SERHL2: variants seen among roughly 807,000 people sequenced by gnomAD.
The protein encoded by SERHL2 is serine hydrolase like 2, also known as serine hydrolase-like protein 2.
In SERHL2, 29 loss-of-function variants were observed where a neutral mutation model predicts 25.5. The observed-to-expected ratio is 1.14, with a 90% CI of 0.85 to 1.55. SERHL2 has a LOEUF of 1.55. Among genes scored for constraint, SERHL2 ranks in the 40% most tolerant of loss-of-function variants. SERHL2 has a pLI of 0.00. For synonymous variants in SERHL2, 95 were observed against 103.5 expected (o/e 0.92, Z 0.50); for missense variants, 240 against 252.3 (o/e 0.95, Z 0.33).
chr22:42,574,335 T>C lies in SERHL2; in HGVS notation c.*280T>C. The C allele has an allele frequency of 1.9e-6, 1 of 523,626 alleles. No homozygotes were observed. The highest frequency in any genetic ancestry group is 2.3e-5 in the South Asian group (1 of 42,856). The allele number at this position is 523,626 out of a possible 1,614,324, so 32.4% of individuals were successfully genotyped here. A position where few individuals can be genotyped will look rare whatever the true frequency, so the allele number is the denominator to read the frequency against. ...AGGGCAGGCTGGGCCCACCTAGCCT[T>C]TCCCTGCTGCCCAACTGGATGGAAA... is the stretch of plus-strand genomic sequence containing the variant. On this transcript the variant is annotated 3_prime_UTR_variant, in exon 12 of 12. Coordinates refer to ENST00000327678, the MANE Select transcript of SERHL2 (RefSeq NM_014509.5).
intron 8 of SERHL2, 104 bp from the exon 9 acceptor site, chr22:42,566,200 G>C (rs762647416): frequency 1.7e-6 from 2 of 1,144,560 alleles, no homozygotes; most frequent in Non-Finnish European, 2.6e-6. Flanking sequence ...TGGGAGAAAT[G>C]GGCCCTGGCT....
chr22:42,560,696 G>T (rs886441497), intron 8 of SERHL2, among the ~76,000 whole-genome samples: 3 of 151,944 alleles, frequency 2.0e-5, no homozygotes, highest in African/African-American at 7.2e-5. Context: ...TGGCACAAGC[G>T]ATTTGTGTAC....
chr22:42,556,569 T>C lies in SERHL2; in HGVS notation c.404T>C (p.Leu135Pro). 1 of 1,605,050 alleles carries C rather than the reference T, an allele frequency of 6.2e-7. No homozygotes were observed. Among genetic ancestry groups the C allele is most frequent in the Non-Finnish European group, 8.5e-7 (1 of 1,173,280 alleles). The change falls in exon 6 of 12, where the codon CTC becomes CCC. Residue 135 changes from leucine to proline, a missense_variant. Leu to Pro is a moderately conservative substitution (Grantham distance 98). This residue lies in a region of SERHL2 where 9 missense variants were observed against 19.5 expected (regional missense o/e 0.46). Coordinates refer to ENST00000327678, the MANE Select transcript of SERHL2 (RefSeq NM_014509.5). ...AAACTTATCTTGCTGGACACGCCGC[T>C]CTTTCTCCTGGAATCAGATGTGAGA... Reference protein sequence around the residue: ...VDKLILLDTPLFLLESDEMEN... With the variant: ...VDKLILLDTPPFLLESDEMEN...
chr22:42,554,071 C>G, intron 1 of SERHL2, 29 bp downstream of exon 1: 1 of 1,610,942 alleles, frequency 6.2e-7, no homozygotes, highest in Non-Finnish European at 8.5e-7. Context: ...GTGCGAGCGT[C>G]CCACTGCCCA....
At chr22:42,563,205 TG>T (rs1476248016) in intron 8 of SERHL2, among the ~76,000 whole-genome samples, 4 of 76,406 alleles carry the variant, frequency 5.2e-5, no homozygotes, top group African/African-American at 5.0e-4. Flanking sequence ...TTTTTTTTTT[TG>T]TTGTTGTTGT....
At chr22:42,569,287 C>A (rs1469304161) in intron 9 of SERHL2, 3 of 151,148 alleles carry the variant, frequency 2.0e-5, no homozygotes, top group Non-Finnish European at 4.4e-5. Context: ...GAGACCAAGT[C>A]TTACTCTGTC....
intron 1 of SERHL2, 61 bp downstream of exon 1, chr22:42,554,103 A>G (rs781583886): frequency 1.3e-6 from 2 of 1,590,380 alleles, no homozygotes; most frequent in Non-Finnish European, 1.7e-6. Context: ...GGGACAGTAG[A>G]AGAGGGCGGG....
chr22:42,556,335 A>G, intron 5 of SERHL2, 179 bp from the exon 6 acceptor site: 2 of 527,300 alleles, frequency 3.8e-6, no homozygotes, highest in African/African-American at 4.1e-5. Flanking sequence ...TGCTGGGTGC[A>G]GACTTAGGGG....
In SERHL2 at chr22:42,573,268, G is replaced by A. The variant is rs1449891498; in HGVS notation, c.826-668G>A. ...CTTTTTTTTTTTTTTTTTTGAGATG[G>A]AGTGTCGCTCTGTTGCCCAGGCTGG... On this transcript the variant is annotated intron_variant, in intron 11 of 11. Transcript: ENST00000327678. The A allele has an allele frequency of 3.4e-5, 5 of 146,916 alleles. No homozygotes were observed. The East Asian group carries it at 8.1e-4, about 24-fold the overall frequency. 9.1% of individuals were successfully genotyped at this position (146,916 alleles called of 1,614,324 possible).
chr22:42,573,474 A>C (rs890974984), intron 11 of SERHL2: 1 of 162,446 alleles, frequency 6.2e-6, no homozygotes, highest in Non-Finnish European at 1.3e-5. Flanking sequence ...TGATCTCCTG[A>C]CCTCGTGATC....
chr22:42,563,872 G>A (rs113329147), intron 8 of SERHL2, among the ~76,000 whole-genome samples: 8 of 151,932 alleles, frequency 5.3e-5, no homozygotes, highest in African/African-American at 1.7e-4. Context: ...TTGGGAGTTC[G>A]AGACCACCCT....
At chr22:42,572,074 T>G (rs1300565009) in intron 10 of SERHL2, among the ~76,000 whole-genome samples, 1 of 152,030 alleles carries the variant, frequency 6.6e-6, no homozygotes, top group African/African-American at 2.4e-5. Context: ...CACAGAATTG[T>G]AGACTATCAA....
chr22:42,567,514 A>G (rs561505854), intron 9 of SERHL2, among the ~76,000 whole-genome samples: 1 of 149,470 alleles, frequency 6.7e-6, no homozygotes, highest in South Asian at 2.1e-4. Context: ...AATGCAAAAA[A>G]TTAGCCGGGC....
In SERHL2 at chr22:42,560,186, G is replaced by T. The variant is rs1569275063; in HGVS notation, c.534G>T (p.Arg178Ser). ...HVFSLKQLLQ[R>S]LLKSNSHLSE... ...CCAGCATCCTTCTGTCTCCCCCCAG[G>T]TTACTGAAGAGCAATAGCCACTTGA... is the stretch of plus-strand genomic sequence containing the variant. The change falls in exon 8 of 12, where the codon AGG becomes AGT. Residue 178 changes from arginine to serine, a missense_variant and splice_region_variant. Physicochemically the swap from Arg to Ser is moderately radical, Grantham distance 110 (BLOSUM62 -1). Transcript: ENST00000327678. 6.2e-7 allele frequency: 1 copy of T among 1,611,130 alleles called. No homozygotes were observed. The highest frequency in any genetic ancestry group is 8.5e-7 in the Non-Finnish European group (1 of 1,177,630).
chr22:42,571,087 G>C, intron 9 of SERHL2, 34 bp from the exon 10 acceptor site: 3 of 1,613,064 alleles, frequency 1.9e-6, no homozygotes, highest in Non-Finnish European at 2.5e-6. Context: ...CCTGTGCCTT[G>C]TGACGAGAAT....
In SERHL2 at chr22:42,572,662, C is replaced by G. The variant is rs1474298138; in HGVS notation, c.825+133C>G. 5.6e-6 allele frequency: 8 copies of G among 1,435,366 alleles called. No homozygotes were observed. The African/African-American group carries it at 7.1e-5, about 13-fold the overall frequency. The allele number at this position is 1,435,366 out of a possible 1,614,324, so 88.9% of individuals were successfully genotyped here. On this transcript the variant is annotated intron_variant, in intron 11 of 11. Coordinates refer to ENST00000327678, the MANE Select transcript of SERHL2 (RefSeq NM_014509.5). Reference sequence around the variant, plus strand: ...CCAACAAGTGACCACCAGGATCTATCAGGCCTCATGCTCCACTGTGGTCAG... The same window carrying G: ...CCAACAAGTGACCACCAGGATCTATGAGGCCTCATGCTCCACTGTGGTCAG...
intron 10 of SERHL2, chr22:42,571,494 C>T (rs776657189): frequency 1.6e-5 from 20 of 1,230,318 alleles, no homozygotes; most frequent in Admixed American, 1.0e-4. Context: ...AGCCCAGTCT[C>T]GGCTGACTGC....
At chr22:42,568,629 G>T (rs1923733954) in intron 9 of SERHL2, among the ~76,000 whole-genome samples, 2 of 151,970 alleles carry the variant, frequency 1.3e-5, no homozygotes, top group African/African-American at 4.8e-5. Context: ...ATTACAAAAT[G>T]GAGCTGGCCC....
chr22:42,567,277 G>A (rs1370783792), intron 9 of SERHL2, among the ~76,000 whole-genome samples: 2 of 152,044 alleles, frequency 1.3e-5, no homozygotes, highest in Non-Finnish European at 2.9e-5. Context: ...GAATGTTAAC[G>A]TGTTTGTCTT....
Sources: allele counts gnomAD v4.1 joint callset (sites outside exome capture counted in the v4.1 genomes callset), GRCh38; gene constraint gnomAD v4.1.1; regional missense constraint gnomAD v4.1.1; transcripts MANE v1.5; gene names NCBI Gene and HGNC (gene_info 2026-07-23, HGNC 2026-07-21).